Variants in PTPRK observed in about 807,000 individuals in gnomAD.
PTPRK encodes the protein protein tyrosine phosphatase receptor type K, also known as receptor-type tyrosine-protein phosphatase kappa.
PTPRK carries 75 observed loss-of-function variants against 178.0 expected under a neutral mutation model. That is an observed-to-expected ratio of 0.42 (90% confidence interval 0.35 to 0.51). The LOEUF (loss-of-function observed/expected upper bound fraction) is 0.51. PTPRK is among the 20% of genes least tolerant of loss of function. The probability of loss-of-function intolerance (pLI) is 0.02; values close to 1 mark genes in which losing one functional copy is unlikely to be tolerated. For synonymous variants in PTPRK, 637 were observed against 620.6 expected (o/e 1.03, Z -0.39); for missense variants, 1,441 against 1,797.8 (o/e 0.80, Z 3.59).
At chr6:128,363,123 T>C (rs1253702704) in intron 2 of PTPRK, among the ~76,000 whole-genome samples, 1 of 152,162 alleles carries the variant, frequency 6.6e-6, no homozygotes, top group East Asian at 1.9e-4. Flanking sequence ...TTATTTTGTG[T>C]TACACATGAA....
Position 128,322,847 on chromosome 6 carries a change from T to C in PTPRK, c.224-537A>G, listed in dbSNP as rs551096989. On this transcript the variant is annotated intron_variant, in intron 2 of 29. Coordinates refer to ENST00000368226, the MANE Select transcript of PTPRK (RefSeq NM_002844.4). Reference sequence around the variant, plus strand: ...GGAAAATCATCATTTATACAAGTTATGTGATCATTTGTAACATACTAACTT... The same window carrying C: ...GGAAAATCATCATTTATACAAGTTACGTGATCATTTGTAACATACTAACTT... Among the ~76,000 whole-genome samples, 3 of 152,202 alleles carry C rather than the reference T, an allele frequency of 2.0e-5. No individual in the cohort carries two copies. In the South Asian group the frequency reaches 6.2e-4, roughly 32 times the overall value.
intron 11 of PTPRK, among the ~76,000 whole-genome samples, chr6:128,075,614 A>G (rs1783668491): frequency 6.6e-6 from 1 of 152,062 alleles, no homozygotes; most frequent in Admixed American, 6.6e-5. Context: ...GGGTGCACAT[A>G]CTAATTGCCT....
chr6:128,146,424 ATGTGTGTGTG>A (rs35899707), intron 7 of PTPRK, among the ~76,000 whole-genome samples: 120 of 135,996 alleles, frequency 8.8e-4, no homozygotes, highest in Non-Finnish European at 1.3e-3. Context: ...GTGTGTGTTT[ATGTGTGTGTG>A]TGTGTGTGTG....
At chr6:128,094,123 G>A (rs1247925718) in intron 7 of PTPRK, among the ~76,000 whole-genome samples, 1 of 152,166 alleles carries the variant, frequency 6.6e-6, no homozygotes, top group Non-Finnish European at 1.5e-5. Context: ...TGCTGTACAA[G>A]TATCATATAG....
At chr6:128,035,527 G>C (rs2114814312) in intron 13 of PTPRK, among the ~76,000 whole-genome samples, 1 of 152,084 alleles carries the variant, frequency 6.6e-6, no homozygotes, top group East Asian at 1.9e-4. Context: ...TCTGCCACTT[G>C]AAGATATACT....
At chr6:128,031,300 C>T (rs573072260) in intron 13 of PTPRK, among the ~76,000 whole-genome samples, 4 of 152,286 alleles carry the variant, frequency 2.6e-5, no homozygotes, top group South Asian at 2.1e-4. Context: ...CCAGGTCATC[C>T]GACACCAAGC....
intron 7 of PTPRK, among the ~76,000 whole-genome samples, chr6:128,176,401 T>C (rs1296651705): frequency 2.0e-5 from 3 of 151,830 alleles, no homozygotes; most frequent in Non-Finnish European, 2.9e-5. Context: ...GAATGAAAGA[T>C]GAGTTCTTTA....
chr6:128,516,035 G>T (rs146621247), intron 1 of PTPRK, among the ~76,000 whole-genome samples: 1 of 152,122 alleles, frequency 6.6e-6, no homozygotes, highest in Admixed American at 6.6e-5. Context: ...AGATTTGGTG[G>T]GAATGTTGGC....
At chr6:128,251,371 C>G (rs1001591859) in intron 3 of PTPRK, among the ~76,000 whole-genome samples, 1 of 152,138 alleles carries the variant, frequency 6.6e-6, no homozygotes, top group South Asian at 2.1e-4. Flanking sequence ...AAGCCCAAAT[C>G]GATTCTTCAT....
chr6:128,052,840 TCAC>T (rs1779249758), intron 13 of PTPRK, among the ~76,000 whole-genome samples: 1 of 152,204 alleles, frequency 6.6e-6, no homozygotes, highest in South Asian at 2.1e-4. Context: ...TTATAATCAA[TCAC>T]CATCTTTATT....
intron 1 of PTPRK, among the ~76,000 whole-genome samples, chr6:128,429,629 T>C (rs1844566675): frequency 6.6e-6 from 1 of 152,292 alleles, no homozygotes; most frequent in East Asian, 1.9e-4. Context: ...AAAATATATA[T>C]CTTTTTACAA....
chr6:128,268,760 C>A (rs1166878711), intron 3 of PTPRK, among the ~76,000 whole-genome samples: 1 of 151,920 alleles, frequency 6.6e-6, no homozygotes, highest in East Asian at 1.9e-4. Context: ...GTACTACGTC[C>A]CCTTTAAATA....
intron 5 of PTPRK, among the ~76,000 whole-genome samples, chr6:128,228,532 C>T (rs1445122235): frequency 2.0e-5 from 3 of 148,928 alleles, no homozygotes; most frequent in South Asian, 2.1e-4. Flanking sequence ...TGGTGGTGGG[C>T]GCCTGTAGTT....
intron 3 of PTPRK, among the ~76,000 whole-genome samples, chr6:128,299,566 C>T (rs1220781796): frequency 6.7e-4 from 101 of 150,950 alleles, no homozygotes; most frequent in African/African-American, 2.2e-3. Context: ...GAAATAATGC[C>T]GCATATCTAC....
At chr6:128,062,627 G>A (rs528614627) in intron 13 of PTPRK, 1 of 166,876 alleles carries the variant, frequency 6.0e-6, no homozygotes, top group East Asian at 1.9e-4. Context: ...TGATAAGATA[G>A]TTAACACATG....
intron 5 of PTPRK, among the ~76,000 whole-genome samples, chr6:128,226,894 G>A (rs908009744): frequency 1.3e-5 from 2 of 150,916 alleles, no homozygotes; most frequent in South Asian, 2.1e-4. Flanking sequence ...TGCTTCTAGA[G>A]AATCAGATTT....
chr6:128,385,139 T>C (rs1314560686), intron 2 of PTPRK, among the ~76,000 whole-genome samples: 1 of 150,394 alleles, frequency 6.6e-6, no homozygotes, highest in East Asian at 1.9e-4. Context: ...TTATTCCTTA[T>C]TTTTAGGCAC....
At chr6:128,141,250 A>G (rs1017981740) in intron 7 of PTPRK, among the ~76,000 whole-genome samples, 2 of 151,950 alleles carry the variant, frequency 1.3e-5, no homozygotes, top group East Asian at 3.8e-4. Context: ...CTATAGTAAT[A>G]CAAATTTCCT....
intron 1 of PTPRK, among the ~76,000 whole-genome samples, chr6:128,430,923 T>C (rs937437920): frequency 6.6e-6 from 1 of 151,550 alleles, no homozygotes; most frequent in Admixed American, 6.6e-5. Context: ...AGTCAACGTG[T>C]GATTTTTAAT....
Sources: allele counts gnomAD v4.1 joint callset (sites outside exome capture counted in the v4.1 genomes callset), GRCh38; gene constraint gnomAD v4.1.1; transcripts MANE v1.5; gene names NCBI Gene and HGNC (gene_info 2026-07-23, HGNC 2026-07-21).